Variants in ZNF846 observed in about 807,000 individuals in gnomAD.
ZNF846 encodes the protein zinc finger protein 420 pseudogene.
A neutral mutation model predicts 16.0 loss-of-function variants in ZNF846; 15 were observed. The observed-to-expected ratio is 0.94, with a 90% CI of 0.63 to 1.45. The LOEUF is 1.45. Among genes scored for constraint, ZNF846 ranks in the 40% most tolerant of loss-of-function variants. The probability of loss-of-function intolerance (pLI) is 0.00; values close to 1 mark genes in which losing one functional copy is unlikely to be tolerated. For missense variants in ZNF846, 714 were observed against 622.3 expected (o/e 1.15, Z -1.57); for synonymous variants, 229 against 212.0 (o/e 1.08, Z -0.70).
exon 6 of ZNF846, chr19:9,758,568 G>C (rs1184873579): frequency 6.2e-7 from 1 of 1,612,698 alleles, no homozygotes; most frequent in Non-Finnish European, 8.5e-7. Context: ...AACACACTTA[G>C]GCATTTTCCC....
intron 1 of ZNF846, among the ~76,000 whole-genome samples, chr19:9,766,555 CAT>C (rs2145254949): frequency 6.6e-6 from 1 of 152,058 alleles, no homozygotes; most frequent in East Asian, 1.9e-4. Flanking sequence ...ATGCATGTTG[CAT>C]CACCAAGTCC....
chr19:9,776,312 C>T (rs139465788), intron 1 of ZNF846, among the ~76,000 whole-genome samples: 3 of 151,892 alleles, frequency 2.0e-5, no homozygotes, highest in Non-Finnish European at 4.4e-5. Flanking sequence ...CCCTGTGATG[C>T]TGTGCTTCAG....
At chr19:9,771,070 C>A (rs12460571), upstream of ZNF846, among the ~76,000 whole-genome samples, 22,312 of 151,972 alleles carry the variant, frequency 0.15, 2,801 homozygotes, top group African/African-American at 0.34. Flanking sequence ...ATCATCCGAG[C>A]AGTGTACAAT....
chr19:9,776,268 G>A (rs1046687634), intron 1 of ZNF846, among the ~76,000 whole-genome samples: 1 of 152,174 alleles, frequency 6.6e-6, no homozygotes, highest in Non-Finnish European at 1.5e-5. Flanking sequence ...CATCAGCCAG[G>A]CTTGCCCACT....
chr19:9,759,601 T>G (rs1207667759), intron 5 of ZNF846, among the ~76,000 whole-genome samples: 1 of 151,576 alleles, frequency 6.6e-6, no homozygotes, highest in Non-Finnish European at 1.5e-5. Flanking sequence ...AGACCTTGTC[T>G]CAAAAATAAT....
chr19:9,754,849 T>C (rs2045118484), downstream of ZNF846, among the ~76,000 whole-genome samples: 2 of 151,024 alleles, frequency 1.3e-5, no homozygotes, highest in Non-Finnish European at 2.9e-5. Flanking sequence ...ATATTTTATA[T>C]GTAGTTACCA....
rs1040604577 is a variant in ZNF846, at chr19:9,774,606, G to A, written c.-85-9571C>T. ...GAAGCTAATTTATTGACTTAGCAAG[G>A]GCTTATTGTTCCTGACAACTCTCCA... On this transcript the variant is annotated intron_variant, in intron 1 of 4. Coordinates refer to the ZNF846 transcript ENST00000586814. 3 of 1,504,702 alleles carry A rather than the reference G, an allele frequency of 2.0e-6. No homozygotes were observed. In the African/African-American group the frequency reaches 4.1e-5, roughly 21 times the overall value. 93.2% of individuals were successfully genotyped at this position (1,504,702 alleles called of 1,614,324 possible).
intron 1 of ZNF846, 40 bp from the exon 2 acceptor site, chr19:9,765,075 A>G: frequency 9.2e-7 from 1 of 1,087,362 alleles, no homozygotes; most frequent in East Asian, 2.4e-5. Context: ...GGATACATCA[A>G]AGAAAAAGTA....
In ZNF846 at chr19:9,764,690, A is replaced by G. The variant is rs572307694; in HGVS notation, c.15+246T>C. ...GTGTCTATTATTTCTCAACCTGCCA[A>G]TCTGCCTGGGAACAAAGAGAGAGCC... On this transcript the variant is annotated intron_variant, in intron 2 of 5. Transcript: ENST00000397902. The G allele has an allele frequency of 5.8e-4, 305 of 529,244 alleles. 5 individuals carry two copies. Among genetic ancestry groups the G allele is most frequent in the South Asian group, 5.1e-3 (234 of 45,812 alleles). The allele number at this position is 529,244 out of a possible 1,614,324, so 32.8% of individuals were successfully genotyped here.
At chr19:9,769,330 C>A (rs140767163), upstream of ZNF846, among the ~76,000 whole-genome samples, 4 of 152,246 alleles carry the variant, frequency 2.6e-5, no homozygotes, top group Admixed American at 2.0e-4. Flanking sequence ...GATCCTCCCC[C>A]CTCGGCCTCC....
chr19:9,750,748 C>T (rs565972309), downstream of ZNF846, among the ~76,000 whole-genome samples: 240 of 152,314 alleles, frequency 1.6e-3, 1 homozygote, highest in African/African-American at 5.5e-3. Flanking sequence ...CTATCTCAAC[C>T]TCTGTCACAC....
At chr19:9,784,995 TAC>T (rs985129492) in intron 1 of ZNF846, among the ~76,000 whole-genome samples, 1 of 152,190 alleles carries the variant, frequency 6.6e-6, no homozygotes, top group Non-Finnish European at 1.5e-5. Context: ...TTCCTTTTTC[TAC>T]ATAGACACAG....
downstream of ZNF846, among the ~76,000 whole-genome samples, chr19:9,754,136 T>C (rs748330119): frequency 1.3e-4 from 19 of 151,874 alleles, no homozygotes; most frequent in Admixed American, 5.9e-4. Context: ...ATTCACTCTC[T>C]CTTCTATCAG....
chr19:9,757,375 T>A (rs2045147923), downstream of ZNF846: 1 of 968,782 alleles, frequency 1.0e-6, no homozygotes, highest in Non-Finnish European at 1.5e-6. Context: ...TCCTATTATA[T>A]AAGATATGGA....
chr19:9,785,461 G>A (rs994258138), intron 1 of ZNF846, among the ~76,000 whole-genome samples: 4 of 150,948 alleles, frequency 2.6e-5, no homozygotes, highest in Non-Finnish European at 5.9e-5. Flanking sequence ...CTCCCAGTCT[G>A]TCCCCTCACC....
At chr19:9,770,264 T>C (rs550074407), upstream of ZNF846, among the ~76,000 whole-genome samples, 2 of 102,254 alleles carry the variant, frequency 2.0e-5, no homozygotes, top group Non-Finnish European at 4.2e-5. Context: ...ACCCCCAGAG[T>C]CCAAAGCAAC....
At chr19:9,779,306 T>C (rs2045477294) in intron 1 of ZNF846, among the ~76,000 whole-genome samples, 1 of 152,244 alleles carries the variant, frequency 6.6e-6, no homozygotes, top group Non-Finnish European at 1.5e-5. Context: ...TTCACTCTTG[T>C]TGCCCAGGCT....
chr19:9,785,463 C>T (rs2045548744), intron 1 of ZNF846, among the ~76,000 whole-genome samples: 1 of 151,690 alleles, frequency 6.6e-6, no homozygotes, highest in African/African-American at 2.4e-5. Context: ...CCCAGTCTGT[C>T]CCCTCACCAC....
downstream of ZNF846, chr19:9,757,449 G>A (rs1267689573): frequency 3.9e-6 from 6 of 1,521,064 alleles, no homozygotes; most frequent in East Asian, 2.3e-5. Flanking sequence ...GAGTTTAGAT[G>A]TAAATACTAA....
Sources: allele counts gnomAD v4.1 joint callset (sites outside exome capture counted in the v4.1 genomes callset), GRCh38; gene constraint gnomAD v4.1.1; transcripts MANE v1.5; gene names NCBI Gene and HGNC (gene_info 2026-07-23, HGNC 2026-07-21).